TNFRSF10A: variants seen among roughly 807,000 people sequenced by gnomAD.
TNFRSF10A encodes the protein tumor necrosis factor receptor superfamily member 10A.
In TNFRSF10A, 44 loss-of-function variants were observed where a neutral mutation model predicts 42.8. That is an observed-to-expected ratio of 1.03 (90% CI 0.81 to 1.32). TNFRSF10A has a LOEUF of 1.32. Ranked by LOEUF, TNFRSF10A falls within the 40% of genes most tolerant of loss-of-function variation. TNFRSF10A has a pLI of 0.00. For missense variants in TNFRSF10A, 680 were observed against 602.0 expected (o/e 1.13, Z -1.36); for synonymous variants, 259 against 234.2 (o/e 1.11, Z -0.97).
At position 23,212,184 on chromosome 8, in the gene TNFRSF10A, T is replaced by C. The variant is rs146723543; in HGVS notation, c.335A>G (p.Lys112Arg). Reference sequence around the variant, plus strand: ...TGTGCCAATTGATTGATCATGAAGTTTGATGGTTGCAGCTGAGCTAGGTAC... The same window carrying C: ...TGTGCCAATTGATTGATCATGAAGTCTGATGGTTGCAGCTGAGCTAGGTAC... Reference protein sequence around the residue: ...QVVPSSAATIKLHDQSIGTQQ... With the variant: ...QVVPSSAATIRLHDQSIGTQQ... Residue 112 changes from lysine (K) to arginine (R), a missense_variant, in exon 2 of 10, where the codon AAA (lysine) becomes AGA (arginine). Transcript: ENST00000221132. 36 of 1,613,628 alleles carry C rather than the reference T, an allele frequency of 2.2e-5. No individual in the cohort carries two copies. The African/African-American group carries it at 4.3e-4, about 19-fold the overall frequency.
At chr8:23,212,966 G>T (rs2128850460) in intron 1 of TNFRSF10A, among the ~76,000 whole-genome samples, 1 of 152,306 alleles carries the variant, frequency 6.6e-6, no homozygotes, top group Non-Finnish European at 1.5e-5. Context: ...GGAAGAATTT[G>T]AGAATTCATG....
intron 2 of TNFRSF10A, among the ~76,000 whole-genome samples, chr8:23,203,378 G>A (rs570908735): frequency 2.6e-5 from 4 of 152,206 alleles, no homozygotes; most frequent in Non-Finnish European, 5.9e-5. Flanking sequence ...TGCCATGGGA[G>A]GAAAATGGAA....
intron 1 of TNFRSF10A, 91 bp downstream of exon 1, chr8:23,224,665 G>T (rs962547138): frequency 4.1e-6 from 6 of 1,448,548 alleles, no homozygotes; most frequent in Non-Finnish European, 5.5e-6. Context: ...AGTGACCCGG[G>T]CCAGGCACCC....
chr8:23,215,198 A>G lies in TNFRSF10A; in HGVS notation c.307-2986T>C, dbSNP rs777865685. ...CTTTTCTGTAATTGGGAGATTTTTTAAATTAGAAAGTTAAATTAGAAAAGG... is the reference window on the plus strand; with the variant it reads ...CTTTTCTGTAATTGGGAGATTTTTTGAATTAGAAAGTTAAATTAGAAAAGG... On this transcript the variant is annotated intron_variant, in intron 1 of 9. Transcript: ENST00000221132. Among the ~76,000 whole-genome samples the G allele has an allele frequency of 7.3e-4, 110 of 151,658 alleles. 1 individual carries two copies. The highest frequency in any genetic ancestry group is 1.9e-4 in the Non-Finnish European group (13 of 67,968).
At chr8:23,220,618 C>T (rs1167947518) in intron 1 of TNFRSF10A, among the ~76,000 whole-genome samples, 2 of 152,226 alleles carry the variant, frequency 1.3e-5, no homozygotes, top group South Asian at 2.1e-4. Context: ...ATCACATGCT[C>T]AGGGCTGGTG....
chr8:23,211,146 T>C (rs912627446), intron 2 of TNFRSF10A, among the ~76,000 whole-genome samples: 4 of 152,178 alleles, frequency 2.6e-5, no homozygotes, highest in Non-Finnish European at 5.9e-5. Flanking sequence ...TTTTCTTATA[T>C]AGAGGAAATC....
intron 2 of TNFRSF10A, among the ~76,000 whole-genome samples, 171 bp from the exon 3 acceptor site, chr8:23,202,932 C>A (rs915817524): frequency 6.6e-6 from 1 of 152,040 alleles, no homozygotes; most frequent in African/African-American, 2.4e-5. Context: ...CTCTGACTGG[C>A]GCTGCTGACA....
Position 23,224,762 on chromosome 8 carries a change from C to T in TNFRSF10A, c.300G>A (p.Leu100=). ...GACCGCGGTGGGGACTCACCTGCAG[C>T]AGGACCCCGACGACGACAAACTTGA... is the stretch of plus-strand genomic sequence containing the variant. ...KTFKFVVVGV[L]LQVVPSSAAT... Residue 100 remains leucine, a synonymous_variant, in exon 1 of 10, where the codon CTG becomes CTA. Coordinates refer to ENST00000221132, the MANE Select transcript of TNFRSF10A (RefSeq NM_003844.4). 3 of 1,565,650 alleles carry T rather than the reference C, an allele frequency of 1.9e-6. No individual in the cohort carries two copies. The highest frequency in any genetic ancestry group is 1.8e-4 in the Middle Eastern group (1 of 5,648).
Position 23,203,134 on chromosome 8 carries a change from C to T in TNFRSF10A, c.404-373G>A, listed in dbSNP as rs549284531. ...TCTTTTATTTTGAATACTAAGTGTT[C>T]GAAACCCAGAGTGTATTTTTCACTC... On this transcript the variant is annotated intron_variant, in intron 2 of 9. Transcript: ENST00000221132. 8.5e-5 allele frequency among the ~76,000 whole-genome samples: 13 copies of T among 152,060 alleles called. No homozygotes were observed. In the East Asian group the frequency reaches 9.6e-4, roughly 11 times the overall value.
At chr8:23,207,969 T>G (rs930529836) in intron 2 of TNFRSF10A, among the ~76,000 whole-genome samples, 1 of 151,326 alleles carries the variant, frequency 6.6e-6, no homozygotes, top group Non-Finnish European at 1.5e-5. Flanking sequence ...AAAAGATACC[T>G]GAAAATATGG....
intron 9 of TNFRSF10A, 63 bp downstream of exon 9, chr8:23,197,068 AC>A: frequency 6.2e-7 from 1 of 1,600,884 alleles, no homozygotes. Context: ...CAATGGGGAC[AC>A]CAGTTAGGAC....
At chr8:23,192,261 G>A (rs562815064) in intron 9 of TNFRSF10A, among the ~76,000 whole-genome samples, 2 of 152,370 alleles carry the variant, frequency 1.3e-5, no homozygotes, top group East Asian at 3.9e-4. Context: ...AGAGAGGGCT[G>A]AGAACCCACC....
chr8:23,193,637 T>G (rs1800783980), intron 9 of TNFRSF10A, among the ~76,000 whole-genome samples: 7 of 152,164 alleles, frequency 4.6e-5, no homozygotes, highest in Admixed American at 4.6e-4. Flanking sequence ...GACTGGCTCC[T>G]CTCAATTTGA....
chr8:23,199,997 G>A, intron 6 of TNFRSF10A, 80 bp from the exon 7 acceptor site: 1 of 1,574,942 alleles, frequency 6.3e-7, no homozygotes. Flanking sequence ...GTTGGGCAGG[G>A]GTGGGCTGGG....
intron 1 of TNFRSF10A, among the ~76,000 whole-genome samples, chr8:23,223,341 A>T (rs1161471394): frequency 1.3e-5 from 2 of 152,224 alleles, no homozygotes; most frequent in Non-Finnish European, 2.9e-5. Flanking sequence ...CTGGGATTAC[A>T]GGCGTGAGCC....
intron 1 of TNFRSF10A, among the ~76,000 whole-genome samples, chr8:23,215,697 C>T (rs1239412817): frequency 6.6e-6 from 1 of 152,084 alleles, no homozygotes; most frequent in African/African-American, 2.4e-5. Flanking sequence ...TAAAGTTATT[C>T]ATAAGATCCC....
chr8:23,206,275 A>G (rs534536473), intron 2 of TNFRSF10A, among the ~76,000 whole-genome samples: 3 of 152,218 alleles, frequency 2.0e-5, no homozygotes, highest in Non-Finnish European at 4.4e-5. Flanking sequence ...GGTGTAGCCT[A>G]AATGTACAGT....
intron 1 of TNFRSF10A, among the ~76,000 whole-genome samples, chr8:23,217,082 C>T (rs1801194188): frequency 6.6e-6 from 1 of 152,206 alleles, no homozygotes; most frequent in Non-Finnish European, 1.5e-5. Context: ...CTGTTTTCAT[C>T]TGATCGTTCT....
intron 9 of TNFRSF10A, among the ~76,000 whole-genome samples, chr8:23,194,605 A>C (rs1800798256): frequency 6.6e-6 from 1 of 152,132 alleles, no homozygotes; most frequent in South Asian, 2.1e-4. Flanking sequence ...TATTGGTGAA[A>C]ATATCTATAT....
Sources: allele counts gnomAD v4.1 joint callset (sites outside exome capture counted in the v4.1 genomes callset), GRCh38; gene constraint gnomAD v4.1.1; transcripts MANE v1.5; gene names NCBI Gene and HGNC (gene_info 2026-07-23, HGNC 2026-07-21).